AGPAT3: variants seen among roughly 807,000 people sequenced by gnomAD.
AGPAT3 encodes the protein 1-acyl-sn-glycerol-3-phosphate acyltransferase gamma.
AGPAT3 carries 5 observed loss-of-function variants against 47.3 expected under a neutral mutation model. The ratio of observed to expected loss-of-function variants is 0.11; its 90% confidence interval spans 0.06 to 0.22. The LOEUF is 0.22. Among genes scored for constraint, AGPAT3 ranks in the 10% least tolerant of loss-of-function variants. The pLI is 1.00. For missense variants in AGPAT3, 315 were observed against 493.0 expected (o/e 0.64, Z 3.42); for synonymous variants, 212 against 208.3 (o/e 1.02, Z -0.15).
At chr21:43,884,104 C>G (rs781059905) in intron 1 of AGPAT3, among the ~76,000 whole-genome samples, 1 of 152,312 alleles carries the variant, frequency 6.6e-6, no homozygotes, top group Non-Finnish European at 1.5e-5. Context: ...GTGGTTACCT[C>G]TGTCACCAGA....
At chr21:43,907,530 A>T (rs1273116494) in intron 2 of AGPAT3, among the ~76,000 whole-genome samples, 1 of 152,152 alleles carries the variant, frequency 6.6e-6, no homozygotes, top group Non-Finnish European at 1.5e-5. Flanking sequence ...ATCCTGGCTA[A>T]CACGGTGAAA....
rs111592161 is a variant in AGPAT3, at chr21:43,872,178, G to GTT, written c.-112+6847_-112+6848dup. 1.8e-4 allele frequency among the ~76,000 whole-genome samples: 25 copies of GTT among 139,422 alleles called. 1 individual carries two copies. Among genetic ancestry groups the GTT allele is most frequent in the African/African-American group, 3.7e-4 (14 of 38,190 alleles). The allele number at this position is 139,422 out of a possible 152,430, so 91.5% of individuals were successfully genotyped here. A position where few individuals can be genotyped will look rare whatever the true frequency, so the allele number is the denominator to read the frequency against. On this transcript the variant is annotated intron_variant, in intron 1 of 9. Coordinates refer to ENST00000291572, the MANE Select transcript of AGPAT3 (RefSeq NM_020132.5). ...TATTGTTCTTGCTTTTGTAAATGGTGTTTTTTTTTTTTTTTCTTTTGAGAC... is the reference window on the plus strand; with the variant it reads ...TATTGTTCTTGCTTTTGTAAATGGTGTTTTTTTTTTTTTTTTTCTTTTGAGAC...
chr21:43,896,741 TCTTAC>T (rs779802582), intron 1 of AGPAT3, among the ~76,000 whole-genome samples: 1 of 152,246 alleles, frequency 6.6e-6, no homozygotes, highest in Non-Finnish European at 1.5e-5. Context: ...GAAATTATCT[TCTTAC>T]CTTTTTAATG....
chr21:43,875,707 A>G (rs1169404133), intron 1 of AGPAT3, among the ~76,000 whole-genome samples: 1 of 152,198 alleles, frequency 6.6e-6, no homozygotes, highest in Non-Finnish European at 1.5e-5. Context: ...TCTTGGGTTC[A>G]AGTGATTCTC....
chr21:43,966,152 A>G (rs2000788), intron 3 of AGPAT3: 86,806 of 152,216 alleles, frequency 0.57, 26,043 homozygotes, highest in African/African-American at 0.77. Context: ...GCATGCCGAC[A>G]GCAAGGGAAA....
intron 1 of AGPAT3, among the ~76,000 whole-genome samples, chr21:43,882,194 G>A (rs1183137939): frequency 6.6e-6 from 1 of 152,378 alleles, no homozygotes; most frequent in East Asian, 1.9e-4. Context: ...GCCCTGCCGG[G>A]CCCCACATCT....
chr21:43,917,773 GGGGTGTTGT>G (rs1240648672), intron 2 of AGPAT3, among the ~76,000 whole-genome samples: 13 of 149,406 alleles, frequency 8.7e-5, no homozygotes, highest in African/African-American at 3.0e-4. Flanking sequence ...GAACTGTGTT[GGGGTGTTGT>G]GGGTATTGTG....
intron 1 of AGPAT3, among the ~76,000 whole-genome samples, chr21:43,882,139 G>A (rs1224564592): frequency 6.6e-6 from 1 of 152,238 alleles, no homozygotes; most frequent in Non-Finnish European, 1.5e-5. Flanking sequence ...TGGGGGCCCT[G>A]TGCCCAGGGC....
intron 7 of AGPAT3, among the ~76,000 whole-genome samples, chr21:43,973,404 G>A (rs978974926): frequency 6.6e-6 from 1 of 152,240 alleles, no homozygotes; most frequent in Non-Finnish European, 1.5e-5. Context: ...ATCTTCACGA[G>A]AGGAGCCCTT....
rs2085633667 is a variant in AGPAT3 at position 43,871,950 on chromosome 21, C to CT, written c.-112+6608dup. Reference sequence around the variant, plus strand: ...TCTAGGTAGTGCCTTTTGCATGTTACTTTAAGTTCTTCCCAATTCTTGGGT... The same window carrying CT: ...TCTAGGTAGTGCCTTTTGCATGTTACTTTTAAGTTCTTCCCAATTCTTGGGT... On this transcript the variant is annotated intron_variant, in intron 1 of 9. Transcript: ENST00000291572. Among the ~76,000 whole-genome samples, 4 of 152,056 alleles carry CT rather than the reference C, an allele frequency of 2.6e-5. No individual in the cohort carries two copies. In the South Asian group the frequency reaches 8.3e-4, roughly 31 times the overall value.
At chr21:43,909,553 T>C (rs536503589) in intron 2 of AGPAT3, among the ~76,000 whole-genome samples, 3 of 152,308 alleles carry the variant, frequency 2.0e-5, no homozygotes, top group South Asian at 2.1e-4. Flanking sequence ...GTCTTGGCCT[T>C]CCAAAGTGCT....
chr21:43,958,868 GTGGTGTGTGGTGTGTA>G (rs1293727300), intron 2 of AGPAT3, among the ~76,000 whole-genome samples: 4 of 148,408 alleles, frequency 2.7e-5, no homozygotes, highest in African/African-American at 7.5e-5. Flanking sequence ...CGGTGTGTGT[GTGGTGTGTGGTGTGTA>G]TGGTGTGTGT....
chr21:43,877,118 C>G (rs918901136), intron 1 of AGPAT3, among the ~76,000 whole-genome samples: 1 of 152,190 alleles, frequency 6.6e-6, no homozygotes, highest in Admixed American at 6.5e-5. Context: ...CTTGGCCTCC[C>G]GAAGTGCTGG....
At chr21:43,949,802 G>GC (rs1569083908) in intron 2 of AGPAT3, among the ~76,000 whole-genome samples, 1 of 152,158 alleles carries the variant, frequency 6.6e-6, no homozygotes, top group Admixed American at 6.5e-5. Flanking sequence ...TGCAATCTGC[G>GC]CTCTCCTTCA....
At chr21:43,962,571 CA>C (rs1314465366) in intron 3 of AGPAT3, among the ~76,000 whole-genome samples, 1 of 152,170 alleles carries the variant, frequency 6.6e-6, no homozygotes, top group African/African-American at 2.4e-5. Context: ...AGTAAGGAAA[CA>C]AAAACCTCTC....
chr21:43,973,417 G>A (rs1297128870), intron 7 of AGPAT3, among the ~76,000 whole-genome samples: 1 of 152,232 alleles, frequency 6.6e-6, no homozygotes, highest in Non-Finnish European at 1.5e-5. Flanking sequence ...GAGCCCTTGA[G>A]GCACGTCTTG....
chr21:43,898,540 T>C (rs747044850), intron 1 of AGPAT3, among the ~76,000 whole-genome samples: 27 of 152,326 alleles, frequency 1.8e-4, no homozygotes, highest in Non-Finnish European at 2.6e-4. Flanking sequence ...TCTTTTTTTT[T>C]CCCCAAGACG....
chr21:43,960,423 A>G (rs1479080080), intron 3 of AGPAT3, among the ~76,000 whole-genome samples: 1 of 152,186 alleles, frequency 6.6e-6, no homozygotes, highest in African/African-American at 2.4e-5. Context: ...TGGACAGGTA[A>G]CCGCTCACAC....
intron 1 of AGPAT3, among the ~76,000 whole-genome samples, chr21:43,888,674 A>G (rs548606644): frequency 5.9e-5 from 9 of 152,236 alleles, no homozygotes; most frequent in Admixed American, 1.3e-4. Context: ...AGCATCCAAA[A>G]TATGAAGTAC....
Sources: allele counts gnomAD v4.1 joint callset (sites outside exome capture counted in the v4.1 genomes callset), GRCh38; gene constraint gnomAD v4.1.1; transcripts MANE v1.5; gene names NCBI Gene and HGNC (gene_info 2026-07-23, HGNC 2026-07-21).